MMUT: variants seen among roughly 807,000 people sequenced by gnomAD.
The protein encoded by MMUT is methylmalonyl-CoA mutase.
MMUT carries 79 observed loss-of-function variants against 79.9 expected under a neutral mutation model. The ratio of observed to expected loss-of-function variants is 0.99; its 90% CI spans 0.82 to 1.19. The LOEUF (loss-of-function observed/expected upper bound fraction) is 1.19. Ranked by LOEUF, MMUT falls within the 50% of genes most tolerant of loss-of-function variation. The pLI, the probability that MMUT is intolerant of heterozygous loss-of-function variation, is 0.00. For synonymous variants in MMUT, 273 were observed against 295.7 expected, an observed-to-expected ratio of 0.92 and a Z score of 0.79; for missense variants, 860 against 917.2, an observed-to-expected ratio of 0.94 and a Z score of 0.81.
intron 10 of MMUT, 140 bp from the exon 11 acceptor site, chr6:49,440,493 T>A: frequency 2.3e-6 from 2 of 888,370 alleles, no homozygotes; most frequent in Middle Eastern, 3.2e-4. Flanking sequence ...GGGTTGTTTT[T>A]TTTTTCCAAT....
chr6:49,457,623 A>T, intron 3 of MMUT, 68 bp downstream of exon 3: 2 of 1,348,894 alleles, frequency 1.5e-6, no homozygotes, highest in South Asian at 2.6e-5. Flanking sequence ...AAATTCAGTT[A>T]TAGCATGTTG....
Position 49,435,752 on chromosome 6 carries a change from C to T in MMUT, c.1957-129G>A, listed in dbSNP as rs1581818504. On this transcript the variant is annotated intron_variant, in intron 11 of 12. Transcript: ENST00000274813. ...GGCAAAGACTTCATGATGAAGATGC[C>T]AAAAGCAATTACAACAAAAGCAAAA... 8 of 990,668 alleles carry T rather than the reference C, an allele frequency of 8.1e-6. No homozygotes were observed. In the East Asian group the frequency reaches 2.1e-4, roughly 26 times the overall value. The allele number at this position is 990,668 out of a possible 1,614,324, so 61.4% of individuals were successfully genotyped here.
Position 49,431,827 on chromosome 6 carries a change from A to C in MMUT, c.2154T>G (p.Val718=). 1 of 1,613,832 alleles carries C rather than the reference A, an allele frequency of 6.2e-7. No individual in the cohort carries two copies. The highest frequency in any genetic ancestry group is 8.5e-7 in the Non-Finnish European group (1 of 1,179,742). ...GAGTCCCAGGACCAAATACATTGGA[A>C]ACACCAACTTCAAACAGAAATTCAT... ...QDYEFLFEVG[V]SNVFGPGTRI... Residue 718 remains valine (V), a synonymous_variant, in exon 13 of 13, where the codon GTT becomes GTG. Transcript: ENST00000274813.
chr6:49,440,877 T>C (rs935028544), intron 10 of MMUT, among the ~76,000 whole-genome samples: 8 of 152,244 alleles, frequency 5.3e-5, no homozygotes, highest in African/African-American at 1.9e-4. Context: ...TGGTCATTTA[T>C]ACATATATGT....
chr6:49,435,677 TA>T (rs753644174), intron 11 of MMUT, 54 bp from the exon 12 acceptor site: 291 of 1,555,824 alleles, frequency 1.9e-4, no homozygotes, highest in Non-Finnish European at 2.3e-4. Context: ...ATAATGACTA[TA>T]AAAACCCTGG....
chr6:49,460,113 C>T (rs935633174), intron 1 of MMUT, among the ~76,000 whole-genome samples: 2 of 152,196 alleles, frequency 1.3e-5, no homozygotes, highest in African/African-American at 4.8e-5. Flanking sequence ...TGAATTTGCT[C>T]TTGCTCTTCC....
chr6:49,448,929 TAAAAAG>T lies in MMUT; in HGVS notation c.1333-8_1333-3del. ...CATTTCTTCAATTTCATTAATGAGC[TAAAAAG>T]AAAAACATTAACAAAACTAAAAGAG... is the stretch of plus-strand genomic sequence containing the variant. On this transcript the variant is annotated splice_polypyrimidine_tract_variant and splice_region_variant and intron_variant, in intron 6 of 12. Transcript: ENST00000274813. The T allele has an allele frequency of 6.3e-7, 1 of 1,593,418 alleles. No homozygotes were observed. Among genetic ancestry groups the T allele is most frequent in the Non-Finnish European group, 8.6e-7 (1 of 1,161,592 alleles).
chr6:49,440,158 A>G (rs1343023566), intron 11 of MMUT, 48 bp downstream of exon 11: 25 of 1,601,078 alleles, frequency 1.6e-5, no homozygotes, highest in Non-Finnish European at 2.1e-5. Flanking sequence ...TTCTAAATGT[A>G]AGTGACTAGT....
In MMUT at chr6:49,431,590, A is replaced by ATTAT. The variant is rs1766978399; in HGVS notation, c.*137_*138insATAA. On this transcript the variant is annotated 3_prime_UTR_variant, in exon 13 of 13. Transcript: ENST00000274813. ...CTTATAGCATGACACCAGGCCTATA[A>ATTAT]GTAAGGTATTTTAAAGTAAAGCTTT... The ATTAT allele has an allele frequency of 2.3e-6, 2 of 866,348 alleles. No individual in the cohort carries two copies. The highest frequency in any genetic ancestry group is 4.7e-5 in the Admixed American group (2 of 42,232). The allele number at this position is 866,348 out of a possible 1,614,324, so 53.7% of individuals were successfully genotyped here.
intron 3 of MMUT, among the ~76,000 whole-genome samples, chr6:49,457,084 A>G (rs963350884): frequency 1.3e-5 from 2 of 152,282 alleles, no homozygotes; most frequent in African/African-American, 4.8e-5. Flanking sequence ...TCTCTGTGCC[A>G]TGAAATAATG....
intron 11 of MMUT, among the ~76,000 whole-genome samples, chr6:49,436,143 G>A (rs1367963576): frequency 3.3e-5 from 5 of 152,204 alleles, no homozygotes; most frequent in African/African-American, 1.2e-4. Context: ...TAGCAAGGTT[G>A]TGGAGAAAAT....
chr6:49,457,129 G>A lies in MMUT; in HGVS notation c.753+562C>T, dbSNP rs554379966. ...TAACGTAGGTAAGGAGAAGGAGTAC[G>A]TTGCTGGTAAGAAGCAAAGAGTGAA... On this transcript the variant is annotated intron_variant, in intron 3 of 12. Transcript: ENST00000274813. 9.0e-4 allele frequency among the ~76,000 whole-genome samples: 137 copies of A among 152,318 alleles called. 1 individual carries two copies. Among genetic ancestry groups the A allele is most frequent in the African/African-American group, 2.4e-3 (101 of 41,564 alleles).
intron 7 of MMUT, among the ~76,000 whole-genome samples, 158 bp from the exon 8 acceptor site, chr6:49,447,943 G>C (rs1767452943): frequency 6.6e-6 from 1 of 151,846 alleles, no homozygotes; most frequent in Non-Finnish European, 1.5e-5. Context: ...ATCTGAGAAG[G>C]GGGTGTGAGA....
chr6:49,453,039 G>GTTTTTTTTTTTTTT (rs5876116), intron 5 of MMUT, among the ~76,000 whole-genome samples: 1 of 116,192 alleles, frequency 8.6e-6, no homozygotes. Flanking sequence ...TTCTTTCTTT[G>GTTTTTTTTTTTTTT]TTTTTTTTTT....
rs886061561 is a variant in MMUT, at chr6:49,459,426, T to C, written c.41A>G (p.His14Arg). Reference sequence around the variant, plus strand: ...TGATTCTTTTACCTGCCTCAGGTAATGAGGTGAAAGTAAAAAAAGCTGATT... The same window carrying C: ...TGATTCTTTTACCTGCCTCAGGTAACGAGGTGAAAGTAAAAAAAGCTGATT... ...AKNQLFLLSP[H>R]YLRQVKESSG... is the part of the protein sequence containing the mutation. Residue 14 changes from histidine to arginine, a missense_variant, in exon 2 of 13, where the codon CAT becomes CGT. By Grantham distance (29) the His-to-Arg change is conservative (BLOSUM62 0). Coordinates refer to ENST00000274813, the MANE Select transcript of MMUT (RefSeq NM_000255.4). The C allele has an allele frequency of 6.2e-7, 1 of 1,613,454 alleles. No individual in the cohort carries two copies. Among genetic ancestry groups the C allele is most frequent in the Admixed American group, 1.7e-5 (1 of 59,954 alleles).
At chr6:49,443,726 A>G in intron 9 of MMUT, 1 of 387,592 alleles carries the variant, frequency 2.6e-6, no homozygotes, top group Non-Finnish European at 5.1e-6. Context: ...AACTATTTTT[A>G]ATGATTTAAT....
In MMUT at chr6:49,440,262, T is replaced by C. The variant is rs778617168; in HGVS notation, c.1900A>G (p.Ile634Val). The change falls in exon 11 of 13, where the codon ATT (isoleucine) becomes GTT (valine). Residue 634 changes from isoleucine (I) to valine (V), a missense_variant. Physicochemically the swap from Ile to Val is conservative, Grantham distance 29. Transcript: ENST00000274813. ...CCAAGATCAGCAAATCCTGTAGCAA[T>C]AACTTTTGCTCCTCTGTCATGGCCA... ...QDGHDRGAKV[I>V]ATGFADLGFD... 1 of 1,614,080 alleles carries C rather than the reference T, an allele frequency of 6.2e-7. No homozygotes were observed. Among genetic ancestry groups the C allele is most frequent in the Non-Finnish European group, 8.5e-7 (1 of 1,179,972 alleles).
intron 4 of MMUT, among the ~76,000 whole-genome samples, chr6:49,455,476 A>G (rs1289859145): frequency 2.6e-5 from 4 of 152,230 alleles, no homozygotes; most frequent in Non-Finnish European, 5.9e-5. Context: ...GTCTATAAAC[A>G]CTAAAGGCAG....
At chr6:49,459,898 C>T (rs1011287726) in intron 1 of MMUT, among the ~76,000 whole-genome samples, 7 of 152,102 alleles carry the variant, frequency 4.6e-5, no homozygotes. Flanking sequence ...ATTCAAAGTG[C>T]TTTTATTAAA....
Sources: gnomAD v4.1 joint callset for allele counts (sites outside exome capture counted in the v4.1 genomes callset) on GRCh38, gnomAD v4.1.1 for gene constraint, MANE v1.5 for transcripts, NCBI Gene and HGNC (gene_info 2026-07-23, HGNC 2026-07-21) for gene names.